The following FAM162B variants were observed in gnomAD, a reference collection of about 807,000 sequenced individuals.
The protein encoded by FAM162B is protein FAM162B.
In FAM162B, 16 loss-of-function variants were observed where a neutral mutation model predicts 20.0. That is an observed-to-expected ratio of 0.80 (90% CI 0.54 to 1.21). FAM162B has a LOEUF of 1.21. Ranked by LOEUF, FAM162B falls within the 50% of genes most tolerant of loss-of-function variation. FAM162B has a pLI of 0.00. For missense variants in FAM162B, 260 were observed against 227.5 expected (o/e 1.14, Z -0.92); for synonymous variants, 83 against 89.7 (o/e 0.93, Z 0.42).
intron 3 of FAM162B, among the ~76,000 whole-genome samples, chr6:116,758,767 A>G (rs371744621): frequency 2.6e-4 from 40 of 152,268 alleles, no homozygotes; most frequent in African/African-American, 9.1e-4. Context: ...GAATGTCCCA[A>G]TATCATTTCT....
chr6:116,754,888 C>A (rs1274759136), intron 3 of FAM162B, among the ~76,000 whole-genome samples: 2 of 152,078 alleles, frequency 1.3e-5, no homozygotes, highest in Non-Finnish European at 1.5e-5. Context: ...GCTGTTGTTA[C>A]TATTGTACTT....
chr6:116,765,410 C>A lies in FAM162B; in HGVS notation c.167G>T (p.Gly56Val), dbSNP rs1218849926. Residue 56 changes from glycine to valine, a missense_variant, in exon 1 of 4, where the codon GGT becomes GTT. Transcript: ENST00000368557. ...GGAPSNSGPQ[G>V]HGEIHRVPTQ... ...CCGTCGGAGCCCTGGCTCACCGTGA[C>A]CTTGGGGCCCAGAATTGCTGGGGGC... 1 of 1,459,680 alleles carries A rather than the reference C, an allele frequency of 6.9e-7. No individual in the cohort carries two copies. The highest frequency in any genetic ancestry group is 1.4e-5 in the African/African-American group (1 of 70,032). 90.4% of individuals were successfully genotyped at this position (1,459,680 alleles called of 1,614,324 possible). A position where few individuals can be genotyped will look rare whatever the true frequency, so the allele number is the denominator to read the frequency against.
intron 3 of FAM162B, among the ~76,000 whole-genome samples, chr6:116,756,568 C>A (rs1780054431): frequency 6.6e-6 from 1 of 152,146 alleles, no homozygotes; most frequent in Non-Finnish European, 1.5e-5. Flanking sequence ...GAACTGACTC[C>A]AATTTTGAAA....
intron 3 of FAM162B, among the ~76,000 whole-genome samples, chr6:116,760,353 C>T (rs979971188): frequency 5.9e-5 from 9 of 152,076 alleles, no homozygotes. Context: ...AATGAAAAAA[C>T]CTTTCCTTCA....
At chr6:116,758,369 A>G (rs970054771) in intron 3 of FAM162B, among the ~76,000 whole-genome samples, 5 of 152,194 alleles carry the variant, frequency 3.3e-5, no homozygotes, top group Non-Finnish European at 5.9e-5. Flanking sequence ...AGGCATGTGC[A>G]TTTTATTTTC....
In FAM162B at chr6:116,765,683, G is replaced by T; in HGVS notation, c.-107C>A. 1 of 1,194,196 alleles carries T rather than the reference G, an allele frequency of 8.4e-7. No individual in the cohort carries two copies. Among genetic ancestry groups the T allele is most frequent in the Non-Finnish European group, 1.0e-6 (1 of 952,488 alleles). The allele number at this position is 1,194,196 out of a possible 1,614,324, so 74.0% of individuals were successfully genotyped here. ...CGGCCTGCCGCGCGCTGGAGAGCCT[G>T]GGACGTGCAGCTGGAACCCCTGGCG... On this transcript the variant is annotated 5_prime_UTR_variant, in exon 1 of 4. Transcript: ENST00000368557.
At chr6:116,763,569 A>G (rs1382052405) in intron 2 of FAM162B, among the ~76,000 whole-genome samples, 1 of 152,110 alleles carries the variant, frequency 6.6e-6, no homozygotes, top group Admixed American at 6.5e-5. Flanking sequence ...TTTATAATAC[A>G]TCTTTTGACT....
chr6:116,765,334 C>G (rs1050356203), intron 1 of FAM162B, 71 bp downstream of exon 1: 7 of 1,546,158 alleles, frequency 4.5e-6, no homozygotes, highest in South Asian at 3.6e-5. Flanking sequence ...AGCCGACTCC[C>G]GGGCCGGCCC....
chr6:116,765,322 C>G lies in FAM162B; in HGVS notation c.173-67G>C, dbSNP rs533960651. 5.7e-6 allele frequency: 9 copies of G among 1,566,716 alleles called. No individual in the cohort carries two copies. The African/African-American group carries it at 9.5e-5, about 16-fold the overall frequency. ...CCGGCACAGAGGATCAGCGCGCCCT[C>G]AAGCCGACTCCCGGGCCGGCCCCTC... On this transcript the variant is annotated intron_variant, in intron 1 of 3. Coordinates refer to ENST00000368557, the MANE Select transcript of FAM162B (RefSeq NM_001085480.3).
intron 2 of FAM162B, among the ~76,000 whole-genome samples, chr6:116,763,858 T>G (rs17078328): frequency 0.045 from 6,851 of 152,002 alleles, 240 homozygotes; most frequent in African/African-American, 0.1. Context: ...CCAGAGCTTA[T>G]GATGATAAAG....
chr6:116,756,179 T>C (rs1780049042), intron 3 of FAM162B, among the ~76,000 whole-genome samples: 1 of 152,142 alleles, frequency 6.6e-6, no homozygotes, highest in South Asian at 2.1e-4. Context: ...GAGTCACCAT[T>C]CTAGATGCCA....
chr6:116,757,978 G>T (rs558437485), intron 3 of FAM162B, among the ~76,000 whole-genome samples: 1 of 152,036 alleles, frequency 6.6e-6, no homozygotes, highest in Non-Finnish European at 1.5e-5. Context: ...ACCAAAAGAA[G>T]TTTTGTTTTT....
chr6:116,762,193 A>G, intron 2 of FAM162B, 108 bp from the exon 3 acceptor site: 5 of 829,236 alleles, frequency 6.0e-6, no homozygotes, highest in Non-Finnish European at 9.1e-6. Flanking sequence ...CCTGAATGCA[A>G]ACTGCATTTG....
chr6:116,759,270 A>G lies in FAM162B; in HGVS notation c.390+2707T>C, dbSNP rs553663582. Among the ~76,000 whole-genome samples, 192 of 149,138 alleles carry G rather than the reference A, an allele frequency of 1.3e-3. 2 individuals carry two copies. Among genetic ancestry groups the G allele is most frequent in the Non-Finnish European group, 4.3e-4 (29 of 67,236 alleles). On this transcript the variant is annotated intron_variant, in intron 3 of 3. Coordinates refer to ENST00000368557, the MANE Select transcript of FAM162B (RefSeq NM_001085480.3). ...ACCTTTTTTGTTTGTTGCTATTTTA[A>G]GTAGGATCCTTATTTCTAATCTTTC...
At chr6:116,760,189 C>T (rs754682356) in intron 3 of FAM162B, among the ~76,000 whole-genome samples, 1 of 152,176 alleles carries the variant, frequency 6.6e-6, no homozygotes, top group Non-Finnish European at 1.5e-5. Flanking sequence ...TGTTTGCTAT[C>T]ACACTTTTGG....
Position 116,765,687 on chromosome 6 carries a change from C to A in FAM162B, c.-111G>T. ...CTGCCGCGCGCTGGAGAGCCTGGGACGTGCAGCTGGAACCCCTGGCGCTCG... is the reference window on the plus strand; with the variant it reads ...CTGCCGCGCGCTGGAGAGCCTGGGAAGTGCAGCTGGAACCCCTGGCGCTCG... On this transcript the variant is annotated 5_prime_UTR_variant, in exon 1 of 4. Transcript: ENST00000368557. 3.4e-6 allele frequency: 4 copies of A among 1,177,274 alleles called. No individual in the cohort carries two copies. The highest frequency in any genetic ancestry group is 4.3e-6 in the Non-Finnish European group (4 of 937,758). The allele number at this position is 1,177,274 out of a possible 1,614,324, so 72.9% of individuals were successfully genotyped here. A position where few individuals can be genotyped will look rare whatever the true frequency, so the allele number is the denominator to read the frequency against.
At chr6:116,757,767 A>G (rs1011488095) in intron 3 of FAM162B, among the ~76,000 whole-genome samples, 2 of 151,542 alleles carry the variant, frequency 1.3e-5, no homozygotes, top group Admixed American at 1.3e-4. Flanking sequence ...AAAAAAAAAA[A>G]AAAGGGGTGG....
At chr6:116,757,941 A>C (rs1780072472) in intron 3 of FAM162B, among the ~76,000 whole-genome samples, 1 of 152,176 alleles carries the variant, frequency 6.6e-6, no homozygotes, top group Non-Finnish European at 1.5e-5. Flanking sequence ...TCTACTGAAA[A>C]GGTTTGCCAT....
At chr6:116,759,299 CTT>C (rs376112360) in intron 3 of FAM162B, among the ~76,000 whole-genome samples, 7 of 125,578 alleles carry the variant, frequency 5.6e-5, no homozygotes, top group Admixed American at 1.5e-4. Flanking sequence ...ATCTTTCTTT[CTT>C]TTTTTTTTTT....
Sources: gnomAD v4.1 joint callset for allele counts (sites outside exome capture counted in the v4.1 genomes callset) on GRCh38, gnomAD v4.1.1 for gene constraint, MANE v1.5 for transcripts, NCBI Gene and HGNC (gene_info 2026-07-23, HGNC 2026-07-21) for gene names.